Variants in MAGI2 observed in about 807,000 individuals in gnomAD.
The protein encoded by MAGI2 is membrane associated guanylate kinase, WW and PDZ domain containing 2, also known as membrane-associated guanylate kinase, WW and PDZ domain-containing protein 2.
MAGI2 carries 35 observed loss-of-function variants against 133.3 expected under a neutral mutation model. That is an observed-to-expected ratio of 0.26 (90% confidence interval 0.20 to 0.35). MAGI2 has a LOEUF of 0.35. Among genes scored for constraint, MAGI2 ranks in the 10% least tolerant of loss-of-function variants. MAGI2 has a pLI of 1.00. For missense variants in MAGI2, 1,636 were observed against 1,863.4 expected, an observed-to-expected ratio of 0.88 and a Z score of 2.25; for synonymous variants, 729 against 710.6, an observed-to-expected ratio of 1.03 and a Z score of -0.41.
intron 2 of MAGI2, among the ~76,000 whole-genome samples, chr7:78,648,468 T>C (rs1811143742): frequency 6.6e-6 from 1 of 152,238 alleles, no homozygotes; most frequent in Admixed American, 6.5e-5. Flanking sequence ...TGTTGATCCT[T>C]ATGATTTTCT....
At chr7:79,352,751 AAT>A (rs1265185899) in intron 1 of MAGI2, among the ~76,000 whole-genome samples, 5 of 152,200 alleles carry the variant, frequency 3.3e-5, no homozygotes, top group African/African-American at 4.8e-5. Context: ...GAGTACAACT[AAT>A]ATGTTTAGAT....
chr7:78,356,013 C>T (rs1170658323), intron 7 of MAGI2, among the ~76,000 whole-genome samples: 2 of 152,068 alleles, frequency 1.3e-5, no homozygotes, highest in East Asian at 1.9e-4. Context: ...GGAGACTGGG[C>T]TTTGTGTAAC....
intron 7 of MAGI2, chr7:78,359,336 CA>C (rs1227208855): frequency 6.6e-6 from 1 of 152,106 alleles, no homozygotes; most frequent in Non-Finnish European, 1.5e-5. Flanking sequence ...TACTGTTATT[CA>C]AAGGATATTA....
In MAGI2 at chr7:78,053,748, A is replaced by T. The variant is rs374129795; in HGVS notation, c.3706+25199T>A. On this transcript the variant is annotated intron_variant, in intron 21 of 21. Coordinates refer to ENST00000354212, the MANE Select transcript of MAGI2 (RefSeq NM_012301.4). ...GCCCATTTATTGGGGTGGGTGGATT[A>T]AGGAACGATCAGGTAGAGAAGGATG... Among the ~76,000 whole-genome samples the T allele has an allele frequency of 8.5e-4, 130 of 152,328 alleles. 1 individual carries two copies. In the East Asian group the frequency reaches 0.011, roughly 13 times the overall value.
chr7:78,899,815 A>G (rs1797475533), intron 2 of MAGI2, among the ~76,000 whole-genome samples: 1 of 152,214 alleles, frequency 6.6e-6, no homozygotes, highest in South Asian at 2.1e-4. Flanking sequence ...CCATCACACC[A>G]TAACTGTCTA....
At chr7:78,842,713 T>G (rs1792250106) in intron 2 of MAGI2, among the ~76,000 whole-genome samples, 1 of 151,888 alleles carries the variant, frequency 6.6e-6, no homozygotes, top group South Asian at 2.1e-4. Flanking sequence ...GCTTATGGTG[T>G]CAATGAGAAA....
chr7:78,155,915 G>T (rs1824340812), intron 16 of MAGI2, among the ~76,000 whole-genome samples: 1 of 152,144 alleles, frequency 6.6e-6, no homozygotes, highest in South Asian at 2.1e-4. Context: ...TTCCCAATTA[G>T]CTGAGCATCA....
chr7:79,330,461 C>G (rs978289181), intron 1 of MAGI2, among the ~76,000 whole-genome samples: 19 of 152,024 alleles, frequency 1.2e-4, no homozygotes, highest in African/African-American at 3.9e-4. Flanking sequence ...TCCGAAAATG[C>G]TGGGATTACA....
At chr7:79,174,477 TG>T (rs916201774) in intron 1 of MAGI2, among the ~76,000 whole-genome samples, 113 of 151,928 alleles carry the variant, frequency 7.4e-4, no homozygotes, top group African/African-American at 2.7e-3. Context: ...CATGACAAAC[TG>T]GGGAAAAAAA....
chr7:79,242,257 T>C (rs2129555077), intron 1 of MAGI2, among the ~76,000 whole-genome samples: 1 of 152,286 alleles, frequency 6.6e-6, no homozygotes, highest in South Asian at 2.1e-4. Context: ...AATGTATATA[T>C]ATATCATAAC....
chr7:78,564,783 CTTTTTTTTTTTT>C (rs35069216), intron 3 of MAGI2, among the ~76,000 whole-genome samples: 19 of 64,318 alleles, frequency 3.0e-4, no homozygotes, highest in Admixed American at 5.0e-4. Flanking sequence ...CTTTGACATT[CTTTTTTTTTTTT>C]TTTTTTTTTT....
rs1808062179 is a variant in MAGI2, at chr7:78,019,399, G to C, written c.4284C>G (p.Ala1428=). 2 of 1,203,700 alleles carry C rather than the reference G, an allele frequency of 1.7e-6. No individual in the cohort carries two copies. The highest frequency in any genetic ancestry group is 4.5e-5 in the Admixed American group (1 of 22,454). The allele number at this position is 1,203,700 out of a possible 1,614,324, so 74.6% of individuals were successfully genotyped here. The change falls in exon 22 of 22, where the codon GCC becomes GCG. Residue 1428 remains alanine (A), a synonymous_variant. Transcript: ENST00000354212. The part of the protein sequence containing the change: ...PPGGAPARKA[A]VAPGPWKVPG... Reference sequence around the variant, plus strand: ...GCACCTTCCAGGGCCCCGGCGCGACGGCGGCCTTGCGCGCCGGGGCGCCCC... The same window carrying C: ...GCACCTTCCAGGGCCCCGGCGCGACCGCGGCCTTGCGCGCCGGGGCGCCCC...
At chr7:78,025,160 A>G (rs1808791507) in intron 21 of MAGI2, among the ~76,000 whole-genome samples, 1 of 152,158 alleles carries the variant, frequency 6.6e-6, no homozygotes, top group African/African-American at 2.4e-5. Flanking sequence ...AGTTCTTCAA[A>G]TGCTCCAAGC....
intron 1 of MAGI2, among the ~76,000 whole-genome samples, chr7:79,123,852 T>C (rs1447177397): frequency 2.0e-5 from 3 of 148,854 alleles, no homozygotes; most frequent in South Asian, 2.1e-4. Context: ...TGTAACGTGG[T>C]ATCTATTTAT....
At chr7:78,631,732 T>C (rs1226310305) in intron 2 of MAGI2, among the ~76,000 whole-genome samples, 1 of 152,238 alleles carries the variant, frequency 6.6e-6, no homozygotes, top group Non-Finnish European at 1.5e-5. Context: ...GCTCGTCATG[T>C]GTCATTCTAC....
At chr7:78,571,673 T>A (rs1801513021) in intron 3 of MAGI2, among the ~76,000 whole-genome samples, 1 of 151,824 alleles carries the variant, frequency 6.6e-6, no homozygotes, top group Admixed American at 6.6e-5. Flanking sequence ...TTAGGTTTGA[T>A]CATGGAAATA....
At chr7:78,167,617 C>T (rs944821361) in intron 15 of MAGI2, among the ~76,000 whole-genome samples, 2 of 152,132 alleles carry the variant, frequency 1.3e-5, no homozygotes, top group Non-Finnish European at 2.9e-5. Context: ...TCATGTTCTT[C>T]TTAGAACTAG....
chr7:79,204,844 C>T (rs1011460501), intron 1 of MAGI2, among the ~76,000 whole-genome samples: 18 of 151,760 alleles, frequency 1.2e-4, no homozygotes, highest in South Asian at 2.1e-4. Flanking sequence ...AAACTGCAAC[C>T]GAAATCATCA....
At chr7:78,643,001 A>C (rs1810470958) in intron 2 of MAGI2, among the ~76,000 whole-genome samples, 1 of 152,192 alleles carries the variant, frequency 6.6e-6, no homozygotes, top group South Asian at 2.1e-4. Context: ...CTTGGCATTC[A>C]GATAGAATCT....
Sources: allele counts gnomAD v4.1 joint callset (sites outside exome capture counted in the v4.1 genomes callset), GRCh38; gene constraint gnomAD v4.1.1; transcripts MANE v1.5; gene names NCBI Gene and HGNC (gene_info 2026-07-23, HGNC 2026-07-21).